AOAH: variants seen among roughly 807,000 people sequenced by gnomAD.
AOAH encodes acyloxyacyl hydrolase.
AOAH carries 64 observed loss-of-function variants against 92.2 expected under a neutral mutation model. That is an observed-to-expected ratio of 0.69 (90% CI 0.57 to 0.86). The LOEUF is 0.86. Among genes scored for constraint, AOAH ranks in the 40% least tolerant of loss-of-function variants. The pLI, the probability that AOAH is intolerant of heterozygous loss-of-function variation, is 0.00. For missense variants in AOAH, 656 were observed against 694.6 expected (o/e 0.94, Z 0.62); for synonymous variants, 263 against 254.5 (o/e 1.03, Z -0.32).
At chr7:36,641,538 A>G (rs573935300) in intron 4 of AOAH, among the ~76,000 whole-genome samples, 2 of 152,198 alleles carry the variant, frequency 1.3e-5, no homozygotes, top group African/African-American at 4.8e-5. Context: ...GAAAGACTAA[A>G]TAGAGACTAA....
rs148428828 is a variant in AOAH at position 36,699,255 on chromosome 7, T to A, written c.128-12461A>T. ...ATATTTTGGCTATTGTAAATGGTGC[T>A]GCAGTAAACATGGGAGTTCAGATAC... On this transcript the variant is annotated intron_variant, in intron 1 of 20. Transcript: ENST00000617537. 3.0e-3 allele frequency among the ~76,000 whole-genome samples: 451 copies of A among 152,294 alleles called. 3 individuals are homozygous for A. Among genetic ancestry groups the A allele is most frequent in the African/African-American group, 0.01 (419 of 41,576 alleles).
At chr7:36,583,805 T>A (rs1789111437) in intron 12 of AOAH, among the ~76,000 whole-genome samples, 1 of 152,208 alleles carries the variant, frequency 6.6e-6, no homozygotes, top group Non-Finnish European at 1.5e-5. Flanking sequence ...TCTCTGAGCT[T>A]GAAGCAGGTG....
intron 4 of AOAH, among the ~76,000 whole-genome samples, chr7:36,652,486 C>T (rs150578982): frequency 8.6e-4 from 131 of 152,238 alleles, no homozygotes; most frequent in African/African-American, 3.0e-3. Context: ...CCTGGCCTCA[C>T]TGAGTGCAGG....
intron 4 of AOAH, among the ~76,000 whole-genome samples, chr7:36,658,200 T>C (rs959504126): frequency 6.6e-6 from 1 of 152,190 alleles, no homozygotes; most frequent in Non-Finnish European, 1.5e-5. Flanking sequence ...TTGCATCTCT[T>C]ACTTCCTGCT....
At chr7:36,518,781 A>C (rs1034475888) in intron 20 of AOAH, among the ~76,000 whole-genome samples, 4 of 152,216 alleles carry the variant, frequency 2.6e-5, no homozygotes, top group Non-Finnish European at 5.9e-5. Flanking sequence ...TTCAGAGTTC[A>C]TCAAGTTAGC....
chr7:36,600,393 C>T (rs1790466097), intron 11 of AOAH, among the ~76,000 whole-genome samples: 1 of 152,028 alleles, frequency 6.6e-6, no homozygotes, highest in African/African-American at 2.4e-5. Context: ...GAGCACCTTC[C>T]CTTGTTGATT....
At chr7:36,697,591 T>C (rs1227560316) in intron 1 of AOAH, among the ~76,000 whole-genome samples, 2 of 152,214 alleles carry the variant, frequency 1.3e-5, no homozygotes, top group East Asian at 3.9e-4. Flanking sequence ...GAAATTGTGT[T>C]GGATTGGCAT....
chr7:36,712,797 C>T (rs1389654567), intron 1 of AOAH, among the ~76,000 whole-genome samples: 1 of 152,124 alleles, frequency 6.6e-6, no homozygotes, highest in Non-Finnish European at 1.5e-5. Context: ...ATTTCGTCAC[C>T]ACCAGGCCTG....
intron 3 of AOAH, among the ~76,000 whole-genome samples, chr7:36,670,644 T>G (rs547582059): frequency 5.9e-5 from 9 of 152,096 alleles, no homozygotes; most frequent in African/African-American, 2.2e-4. Flanking sequence ...CCGGCTAATT[T>G]TTTTTGTATT....
intron 12 of AOAH, among the ~76,000 whole-genome samples, chr7:36,590,055 C>A (rs1246560591): frequency 2.0e-5 from 3 of 151,970 alleles, no homozygotes; most frequent in Admixed American, 1.3e-4. Flanking sequence ...TGGGCTCAAG[C>A]AATCTTCCCG....
At chr7:36,650,649 C>T (rs1388171877) in intron 4 of AOAH, among the ~76,000 whole-genome samples, 1 of 152,240 alleles carries the variant, frequency 6.6e-6, no homozygotes, top group Admixed American at 6.5e-5. Flanking sequence ...AACTGCTTCA[C>T]ATTCTCAAAG....
intron 3 of AOAH, among the ~76,000 whole-genome samples, chr7:36,662,810 C>G (rs1022760056): frequency 6.6e-6 from 1 of 152,154 alleles, no homozygotes; most frequent in East Asian, 1.9e-4. Flanking sequence ...CATCTCTGAG[C>G]TGGAGAGTAG....
At chr7:36,653,890 T>C (rs1384243288) in intron 4 of AOAH, among the ~76,000 whole-genome samples, 1 of 151,866 alleles carries the variant, frequency 6.6e-6, no homozygotes, top group Non-Finnish European at 1.5e-5. Flanking sequence ...CAAACGGGAG[T>C]GGCTTAAAGC....
intron 13 of AOAH, among the ~76,000 whole-genome samples, chr7:36,556,619 A>C (rs1160627981): frequency 6.9e-6 from 1 of 145,620 alleles, no homozygotes; most frequent in East Asian, 2.0e-4. Flanking sequence ...GTGGGAGTCT[A>C]AGTCTCTTTG....
intron 1 of AOAH, among the ~76,000 whole-genome samples, chr7:36,700,952 T>A (rs1005364476): frequency 6.6e-5 from 10 of 152,090 alleles, no homozygotes; most frequent in African/African-American, 2.4e-4. Context: ...GAACATTGTT[T>A]AATATGCTTG....
chr7:36,629,218 G>T (rs1792891777), intron 6 of AOAH, among the ~76,000 whole-genome samples: 1 of 152,174 alleles, frequency 6.6e-6, no homozygotes, highest in African/African-American at 2.4e-5. Context: ...TTTTTAGAAA[G>T]AAGGAAAACA....
At chr7:36,591,630 A>G (rs1333547963) in intron 12 of AOAH, among the ~76,000 whole-genome samples, 1 of 152,216 alleles carries the variant, frequency 6.6e-6, no homozygotes, top group Non-Finnish European at 1.5e-5. Flanking sequence ...GATGATGGGT[A>G]AAAACTGCTG....
intron 1 of AOAH, among the ~76,000 whole-genome samples, chr7:36,700,307 A>G (rs777351666): frequency 3.3e-5 from 5 of 151,906 alleles, no homozygotes; most frequent in African/African-American, 4.8e-5. Context: ...CCATTAAGTA[A>G]TTTCTCTTTC....
chr7:36,671,644 C>T (rs936638436), intron 3 of AOAH, among the ~76,000 whole-genome samples: 17 of 139,274 alleles, frequency 1.2e-4, no homozygotes, highest in East Asian at 2.2e-4. Flanking sequence ...TGTGTGTGCA[C>T]GTGTTTGTGT....
Sources: gnomAD v4.1 joint callset for allele counts (sites outside exome capture counted in the v4.1 genomes callset) on GRCh38, gnomAD v4.1.1 for gene constraint, MANE v1.5 for transcripts, NCBI Gene and HGNC (gene_info 2026-07-23, HGNC 2026-07-21) for gene names.